Variants in SLC6A13 observed in about 807,000 individuals in gnomAD.
SLC6A13 encodes solute carrier family 6 member 13.
SLC6A13 carries 69 observed loss-of-function variants against 72.9 expected under a neutral mutation model. That is an observed-to-expected ratio of 0.95 (90% CI 0.78 to 1.16). SLC6A13 has a LOEUF of 1.16. SLC6A13 is among the 50% of genes most tolerant of loss of function. The pLI is 0.00. For synonymous variants in SLC6A13, 303 were observed against 303.0 expected, an observed-to-expected ratio of 1.00 and a Z score of 0.00; for missense variants, 735 against 760.5, an observed-to-expected ratio of 0.97 and a Z score of 0.39.
intron 2 of SLC6A13, among the ~76,000 whole-genome samples, chr12:252,699 G>A (rs755170991): frequency 5.9e-5 from 9 of 152,354 alleles, no homozygotes; most frequent in Non-Finnish European, 1.3e-4. Context: ...GAACCCAGCA[G>A]CTGACAGGAA....
At chr12:248,303 G>A (rs1216673722) in intron 2 of SLC6A13, among the ~76,000 whole-genome samples, 1 of 16,998 alleles carries the variant, frequency 5.9e-5, no homozygotes, top group Non-Finnish European at 5.1e-4. Flanking sequence ...CTGGGAGGCT[G>A]AGGCAGGAGA....
Position 238,188 on chromosome 12 carries a change from A to G in SLC6A13, c.479-178T>C, listed in dbSNP as rs1390917562. 2.6e-6 allele frequency: 4 copies of G among 1,531,042 alleles called. No homozygotes were observed. In the Admixed American group the frequency reaches 5.9e-5, roughly 23 times the overall value. 94.8% of individuals were successfully genotyped at this position (1,531,042 alleles called of 1,614,324 possible). A position where few individuals can be genotyped will look rare whatever the true frequency, so the allele number is the denominator to read the frequency against. On this transcript the variant is annotated intron_variant, in intron 4 of 14. Transcript: ENST00000343164. ...GTAATAACCTCAACAAATGCAGCTC[A>G]CTCTCTCCCGCACACTTGGACATGT...
chr12:252,152 T>G (rs56042953), intron 2 of SLC6A13, among the ~76,000 whole-genome samples: 13,925 of 152,298 alleles, frequency 0.091, 749 homozygotes, highest in Non-Finnish European at 0.12. Context: ...TGTATCATAA[T>G]TATCAACATA....
At chr12:234,994 G>A (rs1941868155) in intron 7 of SLC6A13, 96 bp downstream of exon 7, 1 of 1,415,934 alleles carries the variant, frequency 7.1e-7, no homozygotes, top group East Asian at 2.3e-5. Context: ...CCCTAGGGTA[G>A]TGCTAGGTGC....
intron 2 of SLC6A13, among the ~76,000 whole-genome samples, chr12:250,586 G>A (rs1469658776): frequency 6.6e-6 from 1 of 152,056 alleles, no homozygotes; most frequent in Non-Finnish European, 1.5e-5. Flanking sequence ...GACAAAAGTT[G>A]TGAAAGATAT....
intron 4 of SLC6A13, among the ~76,000 whole-genome samples, chr12:240,613 C>T (rs1942130525): frequency 6.6e-6 from 1 of 152,262 alleles, no homozygotes; most frequent in South Asian, 2.1e-4. Flanking sequence ...GAGATAAAGA[C>T]ACCTTTTCTG....
chr12:230,768 C>T (rs144390432), intron 7 of SLC6A13, among the ~76,000 whole-genome samples: 23 of 152,254 alleles, frequency 1.5e-4, no homozygotes, highest in African/African-American at 5.1e-4. Flanking sequence ...TTTCTCCATC[C>T]GTAAGATGAG....
At chr12:247,730 T>A (rs577442036) in intron 2 of SLC6A13, among the ~76,000 whole-genome samples, 307 of 152,260 alleles carry the variant, frequency 2.0e-3, no homozygotes, top group Non-Finnish European at 3.2e-3. Flanking sequence ...AAATATTTTT[T>A]AAAAGATAAT....
In SLC6A13 at chr12:255,025, T is replaced by C. The variant is rs137968565; in HGVS notation, c.202+4826A>G. 2.5e-3 allele frequency among the ~76,000 whole-genome samples: 385 copies of C among 152,234 alleles called. 6 individuals are homozygous for C. Among genetic ancestry groups the C allele is most frequent in the Admixed American group, 0.023 (345 of 15,296 alleles). The stretch of plus-strand genomic sequence containing the variant: ...AACAAAACAAAACACAAAACCTTGC[T>C]CCCTTCATGGCCTTCCACGTCTCAG... On this transcript the variant is annotated intron_variant, in intron 2 of 14. Transcript: ENST00000343164.
intron 3 of SLC6A13, 74 bp downstream of exon 3, chr12:243,605 T>C: frequency 6.9e-7 from 1 of 1,450,366 alleles, no homozygotes; most frequent in Non-Finnish European, 9.5e-7. Context: ...CTGCTACTAA[T>C]CACTCAAGTC....
rs778676036 is a variant in SLC6A13, at chr12:243,826, A to G, written c.203-13T>C. ...ATGAAGAAGGCACCTGTGGTTAGAA[A>G]ACAGGCTGTTCATTTCCTGGGACTA... On this transcript the variant is annotated splice_polypyrimidine_tract_variant and intron_variant, in intron 2 of 14. Transcript: ENST00000343164. 1.9e-6 allele frequency: 3 copies of G among 1,612,788 alleles called. No homozygotes were observed. The highest frequency in any genetic ancestry group is 1.7e-5 in the Admixed American group (1 of 59,902).
chr12:221,260 G>T, intron 14 of SLC6A13, 116 bp downstream of exon 14: 1 of 1,309,714 alleles, frequency 7.6e-7, no homozygotes, highest in Non-Finnish European at 1.0e-6. Flanking sequence ...TGACACCCAG[G>T]CTGGGCCCAC....
chr12:222,192 G>A (rs1228182935), intron 13 of SLC6A13, among the ~76,000 whole-genome samples: 1 of 152,170 alleles, frequency 6.6e-6, no homozygotes, highest in Non-Finnish European at 1.5e-5. Context: ...ACAAAGTCAG[G>A]GCTCTATACC....
At chr12:259,067 G>A (rs113386674) in intron 2 of SLC6A13, 1 of 147,276 alleles carries the variant, frequency 6.8e-6, no homozygotes. Context: ...GTCATCATCA[G>A]CAGAGCTACT....
At chr12:258,305 G>A (rs1942812234) in intron 2 of SLC6A13, among the ~76,000 whole-genome samples, 1 of 152,112 alleles carries the variant, frequency 6.6e-6, no homozygotes, top group Admixed American at 6.5e-5. Flanking sequence ...CAGACTCCAT[G>A]GGCCCAGGGC....
chr12:233,344 T>C (rs1941791023), intron 7 of SLC6A13, among the ~76,000 whole-genome samples: 1 of 152,150 alleles, frequency 6.6e-6, no homozygotes, highest in Non-Finnish European at 1.5e-5. Context: ...AAGAGACCTG[T>C]CAGAGGCAGG....
chr12:228,680 C>T (rs1401586155), intron 7 of SLC6A13, among the ~76,000 whole-genome samples: 1 of 152,186 alleles, frequency 6.6e-6, no homozygotes, highest in Non-Finnish European at 1.5e-5. Context: ...TGGTCACCAC[C>T]CTCAGCCCCT....
Position 223,199 on chromosome 12 carries a change from ATAG to A in SLC6A13, c.1344_1346del (p.Tyr449del), listed in dbSNP as rs1430261072. 1.9e-6 allele frequency: 3 copies of A among 1,613,648 alleles called. No individual in the cohort carries two copies. Among genetic ancestry groups the A allele is most frequent in the Non-Finnish European group, 2.5e-6 (3 of 1,179,666 alleles). ...ACAGGAGGCACATGCCACTGGCCGCATAGTAGTCAAAGAGCTGGAACACGTACA... is the reference window on the plus strand; with the variant it reads ...ACAGGAGGCACATGCCACTGGCCGCATAGTCAAAGAGCTGGAACACGTACA... On this transcript the variant is annotated inframe_deletion, in exon 12 of 15. Coordinates refer to ENST00000343164, the MANE Select transcript of SLC6A13 (RefSeq NM_016615.5).
chr12:260,109 C>A, intron 1 of SLC6A13, 52 bp from the exon 2 acceptor site: 1 of 1,567,516 alleles, frequency 6.4e-7, no homozygotes, highest in Non-Finnish European at 8.7e-7. Flanking sequence ...AGAAGGAAAC[C>A]CCTCCTCCTG....
Sources: gnomAD v4.1 joint callset for allele counts (sites outside exome capture counted in the v4.1 genomes callset) on GRCh38, gnomAD v4.1.1 for gene constraint, MANE v1.5 for transcripts, NCBI Gene and HGNC (gene_info 2026-07-23, HGNC 2026-07-21) for gene names.